The following CGNL1 variants were observed in gnomAD, a reference collection of about 807,000 sequenced individuals.
The protein encoded by CGNL1 is cingulin like 1, also known as cingulin-like protein 1.
CGNL1 carries 132 observed loss-of-function variants against 141.2 expected under a neutral mutation model. The ratio of observed to expected loss-of-function variants is 0.93; its 90% CI spans 0.81 to 1.08. The LOEUF is 1.08. Among genes scored for constraint, CGNL1 ranks in the 50% least tolerant of loss-of-function variants. CGNL1 has a pLI of 0.00. For synonymous variants in CGNL1, 690 were observed against 622.1 expected (o/e 1.11, Z -1.63); for missense variants, 1,870 against 1,588.6 (o/e 1.18, Z -3.01).
chr15:57,468,987 C>T (rs2063546224), intron 8 of CGNL1, among the ~76,000 whole-genome samples: 1 of 152,230 alleles, frequency 6.6e-6, no homozygotes, highest in Admixed American at 6.5e-5. Flanking sequence ...CCACGTGGAA[C>T]TGTAAGTCCA....
At chr15:57,468,502 G>T (rs756236716) in intron 8 of CGNL1, among the ~76,000 whole-genome samples, 1 of 151,644 alleles carries the variant, frequency 6.6e-6, no homozygotes, top group Non-Finnish European at 1.5e-5. Context: ...AAAATGTTGG[G>T]GTTATAGGTG....
At chr15:57,420,498 A>C (rs530676221) in intron 1 of CGNL1, among the ~76,000 whole-genome samples, 1 of 152,338 alleles carries the variant, frequency 6.6e-6, no homozygotes, top group Admixed American at 6.5e-5. Context: ...AGCAGTAAGC[A>C]GACTCCCACC....
rs55964889 is a variant in CGNL1 at position 57,440,999 on chromosome 15, C to T, written c.1697+528C>T. 7.0e-3 allele frequency among the ~76,000 whole-genome samples: 1,047 copies of T among 150,510 alleles called. 7 individuals are homozygous for T. The highest frequency in any genetic ancestry group is 0.022 in the South Asian group (104 of 4,782). The stretch of plus-strand genomic sequence containing the variant: ...GTTTCAGCCCTTACTTAGATACTAA[C>T]TGTGCTGGAACTTGAGCAAGGAATT... On this transcript the variant is annotated intron_variant, in intron 3 of 18. Transcript: ENST00000281282.
intron 8 of CGNL1, among the ~76,000 whole-genome samples, chr15:57,490,855 A>T (rs2063850955): frequency 6.6e-6 from 1 of 152,178 alleles, no homozygotes; most frequent in Non-Finnish European, 1.5e-5. Flanking sequence ...TCTACCCTTG[A>T]TATGATATGC....
intron 8 of CGNL1, among the ~76,000 whole-genome samples, chr15:57,498,036 T>G (rs1416558058): frequency 1.3e-5 from 2 of 151,798 alleles, no homozygotes; most frequent in African/African-American, 2.4e-5. Context: ...GCATGTGCTG[T>G]TTTTTTTCCA....
intron 13 of CGNL1, chr15:57,529,078 C>T (rs1425292309): frequency 2.9e-6 from 1 of 342,440 alleles, no homozygotes; most frequent in African/African-American, 2.1e-5. Flanking sequence ...AACAGATTCT[C>T]AGGGACATTA....
chr15:57,545,550 A>C, intron 16 of CGNL1, 42 bp from the exon 17 acceptor site: 1 of 1,566,772 alleles, frequency 6.4e-7, no homozygotes, highest in Non-Finnish European at 8.7e-7. Context: ...CCCTGCAGGG[A>C]TGGGAGTGAG....
At chr15:57,435,633 T>C (rs764003547) in intron 1 of CGNL1, among the ~76,000 whole-genome samples, 8 of 152,044 alleles carry the variant, frequency 5.3e-5, no homozygotes, top group Non-Finnish European at 8.8e-5. Context: ...ATCTTTAAAG[T>C]GGTAAATGAT....
intron 1 of CGNL1, among the ~76,000 whole-genome samples, chr15:57,382,045 G>A (rs1263541877): frequency 6.6e-6 from 1 of 152,138 alleles, no homozygotes; most frequent in Non-Finnish European, 1.5e-5. Context: ...TGGTTGTTGG[G>A]TAAGAGATTA....
At chr15:57,530,190 T>C (rs1227662793) in intron 13 of CGNL1, among the ~76,000 whole-genome samples, 1 of 152,264 alleles carries the variant, frequency 6.6e-6, no homozygotes, top group Non-Finnish European at 1.5e-5. Flanking sequence ...GACAGTCTTA[T>C]AAAGAGGTGC....
intron 3 of CGNL1, among the ~76,000 whole-genome samples, chr15:57,441,476 C>T (rs1260094873): frequency 1.7e-4 from 26 of 152,050 alleles, no homozygotes; most frequent in Admixed American, 1.1e-3. Context: ...TCAAGAGATT[C>T]TCCTGCCTCA....
intron 1 of CGNL1, among the ~76,000 whole-genome samples, chr15:57,413,119 A>G (rs2062808722): frequency 6.6e-6 from 1 of 152,072 alleles, no homozygotes; most frequent in African/African-American, 2.4e-5. Context: ...TTGGCCTCCC[A>G]AAGTGCTGGG....
chr15:57,517,834 A>G (rs767880928), intron 9 of CGNL1, among the ~76,000 whole-genome samples: 17 of 152,300 alleles, frequency 1.1e-4, no homozygotes, highest in Non-Finnish European at 2.1e-4. Context: ...TATCATTACA[A>G]TGGCAATTAA....
chr15:57,403,751 G>A (rs1221302480), intron 1 of CGNL1, among the ~76,000 whole-genome samples: 3 of 152,250 alleles, frequency 2.0e-5, no homozygotes, highest in Non-Finnish European at 1.5e-5. Flanking sequence ...GTGACGTTGT[G>A]CAGAAGGAAA....
chr15:57,385,096 T>C (rs938234675), intron 1 of CGNL1, among the ~76,000 whole-genome samples: 7 of 152,226 alleles, frequency 4.6e-5, no homozygotes, highest in African/African-American at 1.7e-4. Flanking sequence ...CCCTTCAGAC[T>C]TCCATGCATT....
chr15:57,523,262 C>A (rs2031387714), intron 10 of CGNL1, among the ~76,000 whole-genome samples: 3 of 152,250 alleles, frequency 2.0e-5, no homozygotes, highest in African/African-American at 7.2e-5. Flanking sequence ...TCTGCCCCTT[C>A]ATTCCTGTGG....
intron 1 of CGNL1, among the ~76,000 whole-genome samples, chr15:57,423,905 C>T (rs1157951885): frequency 2.0e-5 from 3 of 152,206 alleles, no homozygotes; most frequent in Non-Finnish European, 4.4e-5. Context: ...GCTGTTGCTG[C>T]GGGGCTGCAG....
chr15:57,448,654 A>G (rs1480204160), intron 4 of CGNL1, among the ~76,000 whole-genome samples: 1 of 151,796 alleles, frequency 6.6e-6, no homozygotes, highest in African/African-American at 2.4e-5. Flanking sequence ...TCTCAAAAGA[A>G]AAAAAAAACA....
chr15:57,453,303 G>T (rs2152324242), intron 6 of CGNL1, among the ~76,000 whole-genome samples: 1 of 152,224 alleles, frequency 6.6e-6, no homozygotes, highest in South Asian at 2.1e-4. Context: ...CAACTCTCCT[G>T]GTCTAGAACA....
Sources: allele counts gnomAD v4.1 joint callset (sites outside exome capture counted in the v4.1 genomes callset), GRCh38; gene constraint gnomAD v4.1.1; transcripts MANE v1.5; gene names NCBI Gene and HGNC (gene_info 2026-07-23, HGNC 2026-07-21).